The following TSPAN13 variants were observed in gnomAD, a reference collection of about 807,000 sequenced individuals.
The protein encoded by TSPAN13 is tetraspanin 13.
In TSPAN13, 18 loss-of-function variants were observed where a neutral mutation model predicts 26.9. The ratio of observed to expected loss-of-function variants is 0.67; its 90% CI spans 0.46 to 0.99. The LOEUF is 0.99. Ranked by LOEUF, TSPAN13 falls within the 50% of genes least tolerant of loss-of-function variation. The pLI is 0.00. For missense variants in TSPAN13, 201 were observed against 249.6 expected, an observed-to-expected ratio of 0.81 and a Z score of 1.31; for synonymous variants, 116 against 98.4, an observed-to-expected ratio of 1.18 and a Z score of -1.06.
intron 1 of TSPAN13, among the ~76,000 whole-genome samples, chr7:16,759,329 T>C (rs921556243): frequency 2.0e-5 from 3 of 152,110 alleles, no homozygotes; most frequent in Non-Finnish European, 4.4e-5. Flanking sequence ...CCAGGAAGCT[T>C]ACAATCATGG....
chr7:16,783,295 C>T (rs1244394781), intron 5 of TSPAN13, 122 bp from the exon 6 acceptor site: 1 of 937,592 alleles, frequency 1.1e-6, no homozygotes, highest in East Asian at 2.6e-5. Context: ...AAAATCTCTC[C>T]CCGTTGAACA....
At chr7:16,757,650 G>A (rs1224826953) in intron 1 of TSPAN13, among the ~76,000 whole-genome samples, 1 of 152,200 alleles carries the variant, frequency 6.6e-6, no homozygotes, top group South Asian at 2.1e-4. Flanking sequence ...TGTTTCTCCT[G>A]TGTGTGTTCA....
intron 4 of TSPAN13, among the ~76,000 whole-genome samples, 176 bp from the exon 5 acceptor site, chr7:16,778,825 ACC>A (rs1376313547): frequency 6.6e-6 from 1 of 152,178 alleles, no homozygotes; most frequent in African/African-American, 2.4e-5. Flanking sequence ...GGGTGTGTAC[ACC>A]ATTGAGAGGG....
At chr7:16,763,811 A>T (rs1032508947) in intron 1 of TSPAN13, among the ~76,000 whole-genome samples, 1 of 152,154 alleles carries the variant, frequency 6.6e-6, no homozygotes, top group South Asian at 2.1e-4. Flanking sequence ...TACTGGAAGT[A>T]TATGTGTTAG....
chr7:16,783,478 G>T lies in TSPAN13; in HGVS notation c.602G>T (p.Ser201Ile). 6.2e-7 allele frequency: 1 copy of T among 1,613,588 alleles called. No homozygotes were observed. Among genetic ancestry groups the T allele is most frequent in the Non-Finnish European group, 8.5e-7 (1 of 1,179,672 alleles). Residue 201 changes from serine (S) to isoleucine (I), a missense_variant, in exon 6 of 6, where the codon AGT (serine) becomes ATT (isoleucine). Coordinates refer to ENST00000262067, the MANE Select transcript of TSPAN13 (RefSeq NM_014399.4). ...RNQKDPRANP[S>I]AFL ...CAGAAAGACCCCCGCGCGAATCCTA[G>T]TGCATTCCTTTGATGAGAAAACAAG...
At chr7:16,765,876 C>G (rs1402857123) in intron 1 of TSPAN13, among the ~76,000 whole-genome samples, 1 of 152,192 alleles carries the variant, frequency 6.6e-6, no homozygotes, top group Non-Finnish European at 1.5e-5. Flanking sequence ...GTTCTAGTGA[C>G]AAACCTAGGC....
chr7:16,779,190 C>T, intron 5 of TSPAN13, 74 bp downstream of exon 5: 2 of 1,115,166 alleles, frequency 1.8e-6, no homozygotes, highest in Non-Finnish European at 2.6e-6. Flanking sequence ...GGCCTTGATT[C>T]TTGTTATCAG....
At chr7:16,778,729 A>C (rs1254133812) in intron 4 of TSPAN13, among the ~76,000 whole-genome samples, 3 of 152,114 alleles carry the variant, frequency 2.0e-5, no homozygotes, top group Non-Finnish European at 1.5e-5. Flanking sequence ...TGCGTAATGG[A>C]GTCTTATCTG....
chr7:16,783,392 C>G, intron 5 of TSPAN13, 25 bp from the exon 6 acceptor site: 1 of 1,602,412 alleles, frequency 6.2e-7, no homozygotes, highest in Non-Finnish European at 8.5e-7. Flanking sequence ...TTTTTCTTTA[C>G]TTTATTTTTT....
rs1009108240 is a variant in TSPAN13, at chr7:16,772,973, G to C, written c.64-3238G>C. On this transcript the variant is annotated intron_variant, in intron 1 of 5. Transcript: ENST00000262067. ...ATTGCGCCACTGCACTCCAGCCCGG[G>C]TGAGAGAGCAAAACTCTGTCTCCAA... Among the ~76,000 whole-genome samples the C allele has an allele frequency of 2.0e-5, 3 of 152,076 alleles. No homozygotes were observed. The East Asian group carries it at 5.8e-4, about 29-fold the overall frequency.
At chr7:16,755,011 G>C (rs1012462538) in intron 1 of TSPAN13, among the ~76,000 whole-genome samples, 3 of 152,196 alleles carry the variant, frequency 2.0e-5, no homozygotes, top group African/African-American at 7.2e-5. Flanking sequence ...GTCAGGAGTG[G>C]AACCTAGGCT....
At position 16,783,503 on chromosome 7, in the gene TSPAN13, GGAA is replaced by G; in HGVS notation, c.*15_*17del. ...GTGCATTCCTTTGATGAGAAAACAAGGAAGATTTCCTTTCGTATTATGATCTTG... is the reference window on the plus strand; with the variant it reads ...GTGCATTCCTTTGATGAGAAAACAAGGATTTCCTTTCGTATTATGATCTTG... On this transcript the variant is annotated 3_prime_UTR_variant, in exon 6 of 6. Transcript: ENST00000262067. 2 of 1,610,734 alleles carry G rather than the reference GGAA, an allele frequency of 1.2e-6. No individual in the cohort carries two copies. The highest frequency in any genetic ancestry group is 1.7e-6 in the Non-Finnish European group (2 of 1,177,176).
At chr7:16,778,004 A>G in intron 4 of TSPAN13, 93 bp downstream of exon 4, 1 of 847,818 alleles carries the variant, frequency 1.2e-6, no homozygotes, top group Non-Finnish European at 1.8e-6. Context: ...GCTGAATTGT[A>G]TTTTCAGGAT....
In TSPAN13 at chr7:16,783,891, A is replaced by G. The variant is rs1231746236; in HGVS notation, c.*400A>G. On this transcript the variant is annotated 3_prime_UTR_variant, in exon 6 of 6. Transcript: ENST00000262067. ...TGTAGATAGTTCCTACTGGAAAAAG[A>G]GTGGAAATTTATTAAAATCAGAAAG... 1 of 160,884 alleles carries G rather than the reference A, an allele frequency of 6.2e-6. No individual in the cohort carries two copies. The highest frequency in any genetic ancestry group is 2.4e-5 in the African/African-American group (1 of 41,866). 10.0% of individuals were successfully genotyped at this position (160,884 alleles called of 1,614,324 possible).
chr7:16,781,274 G>A (rs17136577), intron 5 of TSPAN13, among the ~76,000 whole-genome samples: 6,997 of 152,114 alleles, frequency 0.046, 241 homozygotes, highest in African/African-American at 0.093. Context: ...CCTTCTGCCC[G>A]TTCTATATTT....
chr7:16,764,373 A>G (rs1460654473), intron 1 of TSPAN13, among the ~76,000 whole-genome samples: 1 of 152,114 alleles, frequency 6.6e-6, no homozygotes. Flanking sequence ...TCTGAAAGAC[A>G]CATAAACACA....
In TSPAN13 at chr7:16,754,629, G is replaced by C. The variant is rs181343445; in HGVS notation, c.63+599G>C. 2.0e-5 allele frequency among the ~76,000 whole-genome samples: 3 copies of C among 152,240 alleles called. No individual in the cohort carries two copies. In the East Asian group the frequency reaches 5.8e-4, roughly 29 times the overall value. On this transcript the variant is annotated intron_variant, in intron 1 of 5. Transcript: ENST00000262067. ...TTTTGTTTTTGTTGTTGTCAGTTTT[G>C]CTAGTACTTGGTGCTTTTTCTGTGT...
At chr7:16,755,519 A>G (rs953498439) in intron 1 of TSPAN13, among the ~76,000 whole-genome samples, 3 of 150,842 alleles carry the variant, frequency 2.0e-5, no homozygotes, top group Non-Finnish European at 4.4e-5. Flanking sequence ...TTTATTAAGT[A>G]AATGCTGACC....
chr7:16,764,232 C>T (rs549210080), intron 1 of TSPAN13, among the ~76,000 whole-genome samples: 53 of 151,072 alleles, frequency 3.5e-4, no homozygotes, highest in East Asian at 7.8e-4. Context: ...TTTCACCATG[C>T]TGGCCAGGCT....
Sources: allele counts gnomAD v4.1 joint callset (sites outside exome capture counted in the v4.1 genomes callset), GRCh38; gene constraint gnomAD v4.1.1; transcripts MANE v1.5; gene names NCBI Gene and HGNC (gene_info 2026-07-23, HGNC 2026-07-21).